Variants in RAB3IL1 observed in about 807,000 individuals in gnomAD.
RAB3IL1 encodes RAB3A interacting protein like 1.
Under a neutral mutation model 49.2 loss-of-function variants are expected in RAB3IL1, and 37 were observed. That is an observed-to-expected ratio of 0.75 (90% CI 0.58 to 0.99). The LOEUF (loss-of-function observed/expected upper bound fraction) is 0.99. Among genes scored for constraint, RAB3IL1 ranks in the 50% least tolerant of loss-of-function variants. The pLI, the probability that RAB3IL1 is intolerant of heterozygous loss-of-function variation, is 0.00. For missense variants in RAB3IL1, 484 were observed against 513.0 expected (o/e 0.94, Z 0.55); for synonymous variants, 193 against 213.9 (o/e 0.90, Z 0.85).
At position 61,908,252 on chromosome 11, in the gene RAB3IL1, G is replaced by A; in HGVS notation, c.66C>T (p.Pro22=). Reference sequence around the variant, plus strand: ...CTTGGCAGGGGTCCGTGCTCTTCCAGGGGACCGGGACAGCTGCAAGGGGCG... The same window carrying A: ...CTTGGCAGGGGTCCGTGCTCTTCCAAGGGACCGGGACAGCTGCAAGGGGCG... ...LPPPLAAVPV[P]WKSTDPCQGH... The change falls in exon 2 of 10, where the codon CCC becomes CCT. Residue 22 remains proline, a synonymous_variant. Coordinates refer to ENST00000394836, the MANE Select transcript of RAB3IL1 (RefSeq NM_013401.4). The A allele has an allele frequency of 1.3e-6, 2 of 1,528,496 alleles. No individual in the cohort carries two copies. The highest frequency in any genetic ancestry group is 1.8e-6 in the Non-Finnish European group (2 of 1,136,942). The allele number at this position is 1,528,496 out of a possible 1,614,324, so 94.7% of individuals were successfully genotyped here.
chr11:61,912,722 A>G (rs1939510447), intron 1 of RAB3IL1, among the ~76,000 whole-genome samples: 1 of 152,116 alleles, frequency 6.6e-6, no homozygotes, highest in African/African-American at 2.4e-5. Flanking sequence ...AAGGGGATGA[A>G]TGGCGGTTTT....
At position 61,904,605 on chromosome 11, in the gene RAB3IL1, C is replaced by G; in HGVS notation, c.840G>C (p.Pro280=). ...AVEDNTLTIE[P]VASQTLPTVK... ...CTGTGGGCAGCGTCTGCGAAGCCAC[C>G]GGCTCAATGGTGAGCGTGTTGTCCT... is the stretch of plus-strand genomic sequence containing the variant. The change falls in exon 7 of 10, where the codon CCG becomes CCC. Residue 280 remains proline, a synonymous_variant. Coordinates refer to ENST00000394836, the MANE Select transcript of RAB3IL1 (RefSeq NM_013401.4). The G allele has an allele frequency of 6.2e-7, 1 of 1,613,318 alleles. No individual in the cohort carries two copies. Among genetic ancestry groups the G allele is most frequent in the Non-Finnish European group, 8.5e-7 (1 of 1,179,788 alleles).
chr11:61,898,071 G>A lies in RAB3IL1; in HGVS notation c.*207C>T. The A allele has an allele frequency of 3.5e-6, 2 of 567,966 alleles. No individual in the cohort carries two copies. Among genetic ancestry groups the A allele is most frequent in the Non-Finnish European group, 6.3e-6 (2 of 318,054 alleles). The allele number at this position is 567,966 out of a possible 1,614,324, so 35.2% of individuals were successfully genotyped here. ...TGGTGGCAGAACCCAGTGGGGAAGA[G>A]AGGGGGGTCTTGCCGTGAAGTCCAG... On this transcript the variant is annotated 3_prime_UTR_variant, in exon 10 of 10. Transcript: ENST00000394836. This position sits in a 1 kb window ranked among gnomAD's most constrained non-coding sequence, Gnocchi z 5.1.
At chr11:61,931,318 C>T in the RAB3IL1 span, among the ~76,000 whole-genome samples, 21 of 152,320 alleles carry the variant, frequency 1.4e-4, no homozygotes, top group East Asian at 3.5e-3. Flanking sequence ...TCTTCTGTCA[C>T]TTGTCAGCCA....
At chr11:61,943,226 C>T in the RAB3IL1 span, among the ~76,000 whole-genome samples, 50 of 152,250 alleles carry the variant, frequency 3.3e-4, no homozygotes, top group African/African-American at 1.0e-3. Flanking sequence ...TATGCCAAGA[C>T]AAGTCAATAG....
chr11:61,923,208 G>C (rs1420999721), upstream of RAB3IL1, among the ~76,000 whole-genome samples: 2 of 152,150 alleles, frequency 1.3e-5, no homozygotes, highest in Admixed American at 1.3e-4. Context: ...TAACTTCTTA[G>C]AAAAAAGGCA....
intron 1 of RAB3IL1, 83 bp from the exon 2 acceptor site, chr11:61,908,389 A>G: frequency 1.5e-6 from 2 of 1,299,498 alleles, no homozygotes; most frequent in Non-Finnish European, 2.0e-6. Context: ...CCCCGGGGCA[A>G]TGTGCCTGCC....
chr11:61,923,326 C>T (rs1373143038), upstream of RAB3IL1, among the ~76,000 whole-genome samples: 2 of 152,180 alleles, frequency 1.3e-5, no homozygotes, highest in East Asian at 1.9e-4. Context: ...AGGTCTGGGA[C>T]GTCTTGTCAG....
the RAB3IL1 span, among the ~76,000 whole-genome samples, chr11:61,931,759 C>T: frequency 6.6e-6 from 1 of 152,050 alleles, no homozygotes; most frequent in Non-Finnish European, 1.5e-5. Context: ...AGTAAACATT[C>T]ACAGAACAAC....
chr11:61,937,837 T>A, the RAB3IL1 span: 1 of 152,012 alleles, frequency 6.6e-6, no homozygotes, highest in Non-Finnish European at 1.5e-5. Flanking sequence ...GATTGAATTA[T>A]CCAATTGAAA....
Position 61,906,444 on chromosome 11 carries a change from A to T in RAB3IL1, c.657+22T>A, listed in dbSNP as rs979218145. ...GGCACTGCCACCCTTCCCCGTGCCC[A>T]GAGCCCGCTTCCCACCCTCACCTCC... On this transcript the variant is annotated intron_variant, in intron 5 of 9. Transcript: ENST00000394836. This position sits in a 1 kb window ranked among gnomAD's most constrained non-coding sequence, Gnocchi z 4.6. 1 of 1,537,304 alleles carries T rather than the reference A, an allele frequency of 6.5e-7. No individual in the cohort carries two copies. Among genetic ancestry groups the T allele is most frequent in the Non-Finnish European group, 8.7e-7 (1 of 1,144,808 alleles).
chr11:61,924,679 A>T (rs1255556671), upstream of RAB3IL1, among the ~76,000 whole-genome samples: 2 of 152,146 alleles, frequency 1.3e-5, no homozygotes, highest in Non-Finnish European at 2.9e-5. Flanking sequence ...TTATCATCAT[A>T]TTGTGGGGTG....
Position 61,898,157 on chromosome 11 carries a change from G to T in RAB3IL1, c.*121C>A. 1.1e-6 allele frequency: 1 copy of T among 875,074 alleles called. No homozygotes were observed. Among genetic ancestry groups the T allele is most frequent in the Non-Finnish European group, 1.8e-6 (1 of 544,926 alleles). The allele number at this position is 875,074 out of a possible 1,614,324, so 54.2% of individuals were successfully genotyped here. On this transcript the variant is annotated 3_prime_UTR_variant, in exon 10 of 10. Coordinates refer to ENST00000394836, the MANE Select transcript of RAB3IL1 (RefSeq NM_013401.4). The surrounding 1 kb of genome is among the most constrained non-coding windows in gnomAD (Gnocchi z 5.1). ...TCAGTGCTGCCTCCATGGCCTGTCTGTCCATCCATTCTGCCTCTGGCTCAG... is the reference window on the plus strand; with the variant it reads ...TCAGTGCTGCCTCCATGGCCTGTCTTTCCATCCATTCTGCCTCTGGCTCAG...
rs765653965 is a variant in RAB3IL1, at chr11:61,906,502, CGCA to C, written c.618_620del (p.Ala207del). The C allele has an allele frequency of 6.5e-7, 1 of 1,548,694 alleles. No individual in the cohort carries two copies. ...CTCTGTCTGGGGTGAGGGTGTGTCC[CGCA>C]GCGGGACACACGGCGGGGCAGAGGG... On this transcript the variant is annotated inframe_deletion, in exon 5 of 10. Coordinates refer to ENST00000394836, the MANE Select transcript of RAB3IL1 (RefSeq NM_013401.4). The surrounding 1 kb of genome is among the most constrained non-coding windows in gnomAD (Gnocchi z 4.6).
chr11:61,918,212 C>T (rs189819230), upstream of RAB3IL1, among the ~76,000 whole-genome samples: 81 of 152,178 alleles, frequency 5.3e-4, no homozygotes, highest in Admixed American at 5.0e-3. Flanking sequence ...TTCCCTGAAT[C>T]CCAGACGACT....
upstream of RAB3IL1, chr11:61,920,089 C>T: frequency 7.5e-7 from 1 of 1,327,212 alleles, no homozygotes; most frequent in Non-Finnish European, 9.7e-7. Context: ...AAGTACAGGG[C>T]ACAGGCCTGA....
In RAB3IL1 at chr11:61,898,363, G is replaced by A. The variant is rs376786453; in HGVS notation, c.1067-3C>T. On this transcript the variant is annotated splice_polypyrimidine_tract_variant and splice_region_variant and intron_variant, in intron 9 of 9. Coordinates refer to ENST00000394836, the MANE Select transcript of RAB3IL1 (RefSeq NM_013401.4). This position sits in a 1 kb window ranked among gnomAD's most constrained non-coding sequence, Gnocchi z 5.1. ...GATCTCCCAGAACATGGGCTCTGCT[G>A]CAGGCAGAGAGAGGGTGAACAGGTC... is the stretch of plus-strand genomic sequence containing the variant. 8 of 1,612,558 alleles carry A rather than the reference G, an allele frequency of 5.0e-6. No individual in the cohort carries two copies. Among genetic ancestry groups the A allele is most frequent in the Non-Finnish European group, 6.8e-6 (8 of 1,179,258 alleles).
chr11:61,912,308 C>T (rs1043761562), intron 1 of RAB3IL1, among the ~76,000 whole-genome samples: 3 of 152,174 alleles, frequency 2.0e-5, no homozygotes, highest in Non-Finnish European at 2.9e-5. Flanking sequence ...TCAGCCTTTG[C>T]GGTGACACTG....
At position 61,898,293 on chromosome 11, in the gene RAB3IL1, G is replaced by A. The variant is rs774028630; in HGVS notation, c.1134C>T (p.Phe378=). Residue 378 remains phenylalanine (F), a synonymous_variant, in exon 10 of 10, where the codon TTC becomes TTT. Coordinates refer to ENST00000394836, the MANE Select transcript of RAB3IL1 (RefSeq NM_013401.4). This position sits in a 1 kb window ranked among gnomAD's most constrained non-coding sequence, Gnocchi z 5.1. ...GGGCCGCGCCCTAAGCCTCCTGGGGGAAGAAGCCGAGCTTGGCCAGTGACA... is the reference window on the plus strand; with the variant it reads ...GGGCCGCGCCCTAAGCCTCCTGGGGAAAGAAGCCGAGCTTGGCCAGTGACA... ...KEMSLAKLGF[F]PQEA The A allele has an allele frequency of 1.1e-5, 17 of 1,613,276 alleles. No individual in the cohort carries two copies. The highest frequency in any genetic ancestry group is 1.3e-5 in the Non-Finnish European group (15 of 1,179,980).
Sources: gnomAD v4.1 joint callset for allele counts (sites outside exome capture counted in the v4.1 genomes callset) on GRCh38, gnomAD v4.1.1 for gene constraint, Gnocchi (gnomAD v3.1) non-coding constraint, MANE v1.5 for transcripts, NCBI Gene and HGNC (gene_info 2026-07-23, HGNC 2026-07-21) for gene names.